The following TENM3 variants were observed in gnomAD, a reference collection of about 807,000 sequenced individuals.
TENM3 encodes the protein teneurin-3.
In TENM3, 63 loss-of-function variants were observed where a neutral mutation model predicts 255.1. The ratio of observed to expected loss-of-function variants is 0.25; its 90% confidence interval spans 0.20 to 0.30. TENM3 has a LOEUF of 0.30. TENM3 is among the 10% of genes least tolerant of loss of function. The pLI, the probability that TENM3 is intolerant of heterozygous loss-of-function variation, is 1.00. For synonymous variants in TENM3, 1,306 were observed against 1,322.3 expected, an observed-to-expected ratio of 0.99 and a Z score of 0.27; for missense variants, 2,929 against 3,461.1, an observed-to-expected ratio of 0.85 and a Z score of 3.86.
chr4:181,935,266 A>G, the TENM3 span, among the ~76,000 whole-genome samples: 1 of 152,256 alleles, frequency 6.6e-6, no homozygotes, highest in Non-Finnish European at 1.5e-5. Context: ...TAGAATTATT[A>G]GTGTCATTTT....
chr4:182,029,681 G>C, the TENM3 span, among the ~76,000 whole-genome samples: 3 of 152,044 alleles, frequency 2.0e-5, no homozygotes, highest in Non-Finnish European at 4.4e-5. Flanking sequence ...AAAACAAACT[G>C]TTGCTTTATT....
At chr4:181,450,717 G>T in the TENM3 span, among the ~76,000 whole-genome samples, 1 of 152,112 alleles carries the variant, frequency 6.6e-6, no homozygotes, top group Non-Finnish European at 1.5e-5. Context: ...ACATCAGACT[G>T]CACCTCTTGA....
At chr4:181,741,789 C>T in the TENM3 span, among the ~76,000 whole-genome samples, 2 of 152,110 alleles carry the variant, frequency 1.3e-5, no homozygotes, top group East Asian at 3.9e-4. Context: ...CTAATAAAAC[C>T]AGCTCAGTCT....
the TENM3 span, among the ~76,000 whole-genome samples, chr4:181,998,090 C>T: frequency 1.1e-4 from 16 of 152,190 alleles, no homozygotes; most frequent in African/African-American, 3.1e-4. Context: ...TGCTTTTAAT[C>T]GCTGGTGACT....
At chr4:181,632,248 T>A in the TENM3 span, among the ~76,000 whole-genome samples, 1 of 152,096 alleles carries the variant, frequency 6.6e-6, no homozygotes, top group Non-Finnish European at 1.5e-5. Context: ...AGTGCCACAC[T>A]TTTAAACCGT....
chr4:182,504,995 A>C (rs951685946), intron 3 of TENM3, among the ~76,000 whole-genome samples: 1 of 152,064 alleles, frequency 6.6e-6, no homozygotes, highest in African/African-American at 2.4e-5. Flanking sequence ...TTCATATGGG[A>C]GATTGATGAA....
At position 182,796,703 on chromosome 4, in the gene TENM3, C is replaced by T. The variant is rs1330036594; in HGVS notation, c.7280C>T (p.Pro2427Leu). ...AATGCTATTCCTGGATTCCCTGTTC[C>T]CAAATTTGATTTAACAGAACCTTCT... The part of the protein sequence containing the change: ...LHNAIPGFPV[P>L]KFDLTEPSYE... The change falls in exon 27 of 28, where the codon CCC (proline) becomes CTC (leucine). Residue 2427 changes from proline (P) to leucine (L), a missense_variant. Around this residue, in one of 6 missense-constraint regions of TENM3, gnomAD observed 476 missense variants for 480.1 expected, o/e 0.99. Transcript: ENST00000511685. 6.2e-7 allele frequency: 1 copy of T among 1,612,684 alleles called. No homozygotes were observed. Among genetic ancestry groups the T allele is most frequent in the Non-Finnish European group, 8.5e-7 (1 of 1,179,282 alleles).
At chr4:181,669,327 A>G in the TENM3 span, among the ~76,000 whole-genome samples, 1 of 152,208 alleles carries the variant, frequency 6.6e-6, no homozygotes, top group South Asian at 2.1e-4. Context: ...ATTCCCAGAG[A>G]GGTTATGTAA....
intron 3 of TENM3, among the ~76,000 whole-genome samples, chr4:182,487,218 T>C (rs1196636317): frequency 1.3e-5 from 2 of 152,326 alleles, no homozygotes; most frequent in Non-Finnish European, 2.9e-5. Context: ...TGTTGTAATA[T>C]AGTTTTATGT....
intron 12 of TENM3, among the ~76,000 whole-genome samples, chr4:182,698,439 A>G (rs1274624908): frequency 1.3e-5 from 2 of 152,260 alleles, no homozygotes; most frequent in Middle Eastern, 3.4e-3. Context: ...CAAAAGTCCC[A>G]TTAGAATTAC....
intron 19 of TENM3, among the ~76,000 whole-genome samples, chr4:182,750,986 C>T (rs957687291): frequency 6.6e-6 from 1 of 152,148 alleles, no homozygotes; most frequent in African/African-American, 2.4e-5. Flanking sequence ...TTTGTCCCCT[C>T]CTTAACAGTG....
intron 1 of TENM3, among the ~76,000 whole-genome samples, chr4:182,186,940 C>T (rs2149769185): frequency 6.7e-6 from 1 of 150,220 alleles, no homozygotes; most frequent in Non-Finnish European, 1.5e-5. Context: ...CTTCAGATCT[C>T]TAATAAATGT....
the TENM3 span, among the ~76,000 whole-genome samples, chr4:181,974,695 T>C: frequency 2.6e-5 from 4 of 152,340 alleles, no homozygotes; most frequent in East Asian, 5.8e-4. Flanking sequence ...GTAAAGGCTT[T>C]GGCTTTTCAC....
chr4:181,761,264 C>G, the TENM3 span, among the ~76,000 whole-genome samples: 1 of 151,956 alleles, frequency 6.6e-6, no homozygotes, highest in African/African-American at 2.4e-5. Context: ...AAATAAAAAT[C>G]GTGCTTATAC....
chr4:181,710,233 A>T, the TENM3 span, among the ~76,000 whole-genome samples: 1 of 152,144 alleles, frequency 6.6e-6, no homozygotes, highest in Non-Finnish European at 1.5e-5. Flanking sequence ...GAGGAATAAA[A>T]CAAGAGCCAT....
chr4:181,463,068 A>G, the TENM3 span, among the ~76,000 whole-genome samples: 5 of 152,224 alleles, frequency 3.3e-5, no homozygotes. Flanking sequence ...GACATAATTC[A>G]TTATCATAGT....
At chr4:181,704,513 A>G in the TENM3 span, among the ~76,000 whole-genome samples, 2 of 152,124 alleles carry the variant, frequency 1.3e-5, no homozygotes, top group South Asian at 2.1e-4. Flanking sequence ...GTGACCCCCA[A>G]ATAATTTTGT....
intron 3 of TENM3, among the ~76,000 whole-genome samples, chr4:182,549,712 T>C (rs982388896): frequency 6.6e-6 from 1 of 152,188 alleles, no homozygotes; most frequent in South Asian, 2.1e-4. Context: ...ATATCATGCA[T>C]TCTTCTTTAG....
chr4:181,842,816 A>G, the TENM3 span, among the ~76,000 whole-genome samples: 3 of 152,234 alleles, frequency 2.0e-5, no homozygotes, highest in Non-Finnish European at 2.9e-5. Flanking sequence ...AATATGATGG[A>G]TGGACATAGT....
Sources: gnomAD v4.1 joint callset for allele counts (sites outside exome capture counted in the v4.1 genomes callset) on GRCh38, gnomAD v4.1.1 for gene constraint, gnomAD v4.1.1 regional missense constraint, MANE v1.5 for transcripts, NCBI Gene and HGNC (gene_info 2026-07-23, HGNC 2026-07-21) for gene names.